GLP2R: variants seen among roughly 807,000 people sequenced by gnomAD.
GLP2R encodes the protein glucagon-like peptide 2 receptor.
A neutral mutation model predicts 68.2 loss-of-function variants in GLP2R; 59 were observed. That is an observed-to-expected ratio of 0.87 (90% CI 0.70 to 1.07). The LOEUF is 1.07. GLP2R is among the 50% of genes least tolerant of loss of function. The pLI, the probability that GLP2R is intolerant of heterozygous loss-of-function variation, is 0.00. For synonymous variants in GLP2R, 270 were observed against 265.4 expected, an observed-to-expected ratio of 1.02 and a Z score of -0.17; for missense variants, 548 against 677.4, an observed-to-expected ratio of 0.81 and a Z score of 2.12.
At chr17:9,841,741 T>C (rs998777177) in intron 3 of GLP2R, among the ~76,000 whole-genome samples, 1 of 152,288 alleles carries the variant, frequency 6.6e-6, no homozygotes, top group African/African-American at 2.4e-5. Flanking sequence ...CCTTTGGTTG[T>C]CCATTCATTG....
intron 12 of GLP2R, among the ~76,000 whole-genome samples, chr17:9,889,102 G>C (rs2067267699): frequency 6.6e-6 from 1 of 152,098 alleles, no homozygotes; most frequent in African/African-American, 2.4e-5. Context: ...TATCAAGCAG[G>C]TTTCAGCTCA....
intron 11 of GLP2R, 129 bp downstream of exon 11, chr17:9,880,645 A>G: frequency 1.6e-6 from 1 of 612,990 alleles, no homozygotes. Context: ...TTTATCAGTA[A>G]GGGCCCTTGG....
chr17:9,861,355 G>C (rs1179257677), intron 8 of GLP2R, among the ~76,000 whole-genome samples, 156 bp downstream of exon 8: 1 of 152,168 alleles, frequency 6.6e-6, no homozygotes, highest in Non-Finnish European at 1.5e-5. Context: ...AATAATCAGA[G>C]ATCTTATAGC....
rs78299896 is a variant in GLP2R, at chr17:9,844,188, G to A, written c.504+1572G>A. On this transcript the variant is annotated intron_variant, in intron 4 of 12. Transcript: ENST00000262441. ...GGTAGGGCCTGAGGAGGACACAGGT[G>A]GAGGTAGAGGCCTCGGGAGAGGTAG... Among the ~76,000 whole-genome samples, 1,052 of 152,336 alleles carry A rather than the reference G, an allele frequency of 6.9e-3. 14 individuals are homozygous for A. The highest frequency in any genetic ancestry group is 0.024 in the African/African-American group (1,010 of 41,566).
At chr17:9,844,985 C>G (rs1482040848) in intron 4 of GLP2R, among the ~76,000 whole-genome samples, 1 of 151,806 alleles carries the variant, frequency 6.6e-6, no homozygotes, top group Non-Finnish European at 1.5e-5. Flanking sequence ...GCCACCGTGC[C>G]TGGTCCTTTC....
chr17:9,842,743 C>A, intron 4 of GLP2R, 127 bp downstream of exon 4: 3 of 1,008,790 alleles, frequency 3.0e-6, no homozygotes, highest in Non-Finnish European at 4.3e-6. Flanking sequence ...CCCGGGGAAG[C>A]TAAGGAAGGT....
In GLP2R at chr17:9,869,408, C is replaced by G. The variant is rs568426582; in HGVS notation, c.1057-1339C>G. Among the ~76,000 whole-genome samples, 7 of 152,376 alleles carry G rather than the reference C, an allele frequency of 4.6e-5. No individual in the cohort carries two copies. The South Asian group carries it at 1.4e-3, about 32-fold the overall frequency. ...AAAGACCCTGCAGAAACGGACCCCC[C>G]TCTCCTGCCCAGTCTCACTTCTCAC... On this transcript the variant is annotated intron_variant, in intron 9 of 12. Coordinates refer to ENST00000262441, the MANE Select transcript of GLP2R (RefSeq NM_004246.3).
chr17:9,889,553 C>T lies in GLP2R; in HGVS notation c.1510C>T (p.His504Tyr), dbSNP rs1490078783. ...CTCACTTAACAGTGGGCGGCTCCTA[C>T]ATCTAGCCATGCGAGGTCTTGGGGA... Reference protein sequence around the residue: ...QPSLNSGRLLHLAMRGLGELG... With the variant: ...QPSLNSGRLLYLAMRGLGELG... Residue 504 changes from histidine (H) to tyrosine (Y), a missense_variant, in exon 13 of 13, where the codon CAT (histidine) becomes TAT (tyrosine). By Grantham distance (83) the His-to-Tyr change is moderately conservative. Transcript: ENST00000262441. 1 of 1,614,224 alleles carries T rather than the reference C, an allele frequency of 6.2e-7. No homozygotes were observed. Among genetic ancestry groups the T allele is most frequent in the Non-Finnish European group, 8.5e-7 (1 of 1,180,026 alleles).
At chr17:9,879,397 C>T (rs1008786095) in intron 10 of GLP2R, among the ~76,000 whole-genome samples, 7 of 151,876 alleles carry the variant, frequency 4.6e-5, no homozygotes, top group African/African-American at 9.7e-5. Flanking sequence ...CTCTGGAGTC[C>T]GAAGCAGGAG....
At position 9,836,289 on chromosome 17, in the gene GLP2R, G is replaced by A. The variant is rs114253584; in HGVS notation, c.278-82G>A. 807 of 900,390 alleles carry A rather than the reference G, an allele frequency of 9.0e-4. 9 individuals carry two copies. The African/African-American group carries it at 0.011, about 12-fold the overall frequency. 55.8% of individuals were successfully genotyped at this position (900,390 alleles called of 1,614,324 possible). A position where few individuals can be genotyped will look rare whatever the true frequency, so the allele number is the denominator to read the frequency against. The stretch of plus-strand genomic sequence containing the variant: ...CCAGCTTCCAGTGCCAGGAAGGTGG[G>A]CTCCCACGGTGCCTCTGCCTCCATC... On this transcript the variant is annotated intron_variant, in intron 2 of 12. Transcript: ENST00000262441.
intron 10 of GLP2R, among the ~76,000 whole-genome samples, chr17:9,875,848 G>C (rs1368614984): frequency 2.0e-5 from 3 of 152,174 alleles, no homozygotes; most frequent in African/African-American, 4.8e-5. Flanking sequence ...CAGAGCTCTT[G>C]ATTCATTTAT....
At chr17:9,880,129 C>T (rs77819383) in intron 10 of GLP2R, among the ~76,000 whole-genome samples, 2,919 of 152,306 alleles carry the variant, frequency 0.019, 96 homozygotes, top group African/African-American at 0.064. Context: ...ACAATCTATA[C>T]AGGGGAATTT....
intron 9 of GLP2R, chr17:9,865,894 G>A (rs868522402): frequency 2.1e-6 from 1 of 471,080 alleles, no homozygotes; most frequent in South Asian, 1.5e-5. Flanking sequence ...TGGTCACAAG[G>A]AAGACATTTA....
intron 7 of GLP2R, among the ~76,000 whole-genome samples, chr17:9,860,494 T>G (rs2066978141): frequency 6.6e-6 from 1 of 152,194 alleles, no homozygotes; most frequent in East Asian, 1.9e-4. Flanking sequence ...GTGAGGGCTC[T>G]TTTCCTGGCT....
Position 9,825,998 on chromosome 17 carries a change from G to A in GLP2R, c.-66G>A. 3 of 1,300,596 alleles carry A rather than the reference G, an allele frequency of 2.3e-6. No homozygotes were observed. Among genetic ancestry groups the A allele is most frequent in the Non-Finnish European group, 3.2e-6 (3 of 929,848 alleles). The allele number at this position is 1,300,596 out of a possible 1,614,324, so 80.6% of individuals were successfully genotyped here. ...TGGACCAAGAGGAATGCAAGAGGAG[G>A]CTGCCTGCGGTGCATCTTGGACGGC... On this transcript the variant is annotated 5_prime_UTR_variant, in exon 1 of 13. Transcript: ENST00000262441.
At chr17:9,859,072 A>AT (rs2066960119) in intron 6 of GLP2R, among the ~76,000 whole-genome samples, 2 of 151,882 alleles carry the variant, frequency 1.3e-5, no homozygotes, top group Admixed American at 1.3e-4. Flanking sequence ...GATATTCAGC[A>AT]TTTTTCTTTT....
chr17:9,886,422 C>T (rs2067244574), intron 11 of GLP2R, among the ~76,000 whole-genome samples: 1 of 152,180 alleles, frequency 6.6e-6, no homozygotes, highest in Non-Finnish European at 1.5e-5. Context: ...GTGAAAAAGA[C>T]ACATTTGTCA....
chr17:9,849,291 A>C (rs1456374450), intron 4 of GLP2R, among the ~76,000 whole-genome samples: 1 of 152,064 alleles, frequency 6.6e-6, no homozygotes, highest in Non-Finnish European at 1.5e-5. Flanking sequence ...TGAAATATTC[A>C]AAACTAATTT....
intron 2 of GLP2R, among the ~76,000 whole-genome samples, chr17:9,834,952 C>T (rs1011164909): frequency 5.3e-5 from 8 of 151,490 alleles, no homozygotes; most frequent in Admixed American, 3.3e-4. Flanking sequence ...GCAGCCAGGT[C>T]GACATGGTGT....
Sources: allele counts gnomAD v4.1 joint callset (sites outside exome capture counted in the v4.1 genomes callset), GRCh38; gene constraint gnomAD v4.1.1; transcripts MANE v1.5; gene names NCBI Gene and HGNC (gene_info 2026-07-23, HGNC 2026-07-21).